Variants in NT5DC3 observed in about 807,000 individuals in gnomAD.
NT5DC3 encodes 5'-nucleotidase domain-containing protein 3.
Under a neutral mutation model 67.8 loss-of-function variants are expected in NT5DC3, and 42 were observed. That is an observed-to-expected ratio of 0.62 (90% CI 0.48 to 0.80). The LOEUF is 0.80. Among genes scored for constraint, NT5DC3 ranks in the 30% least tolerant of loss-of-function variants. The pLI, the probability that NT5DC3 is intolerant of heterozygous loss-of-function variation, is 0.00. For missense variants in NT5DC3, 570 were observed against 696.4 expected, an observed-to-expected ratio of 0.82 and a Z score of 2.04; for synonymous variants, 237 against 255.6, an observed-to-expected ratio of 0.93 and a Z score of 0.69.
At chr12:103,762,208 CA>C in the NT5DC3 span, 1 of 1,594,160 alleles carries the variant, frequency 6.3e-7, no homozygotes, top group Non-Finnish European at 8.5e-7. Flanking sequence ...CTCGGGCCAC[CA>C]AGGGTTCCCC....
chr12:103,781,838 C>A (rs1394438994), intron 12 of NT5DC3, among the ~76,000 whole-genome samples: 1 of 152,170 alleles, frequency 6.6e-6, no homozygotes, highest in Non-Finnish European at 1.5e-5. Flanking sequence ...GAGAACTGAT[C>A]CTACAGGCAC....
At chr12:103,754,901 A>G in the NT5DC3 span, among the ~76,000 whole-genome samples, 1 of 151,776 alleles carries the variant, frequency 6.6e-6, no homozygotes, top group Non-Finnish European at 1.5e-5. Flanking sequence ...AGCCAAGATC[A>G]TGCCACTGCC....
intron 1 of NT5DC3, among the ~76,000 whole-genome samples, chr12:103,821,487 C>T (rs1409856522): frequency 1.3e-5 from 2 of 152,196 alleles, no homozygotes; most frequent in Non-Finnish European, 2.9e-5. Flanking sequence ...ATGGGATCCC[C>T]TCCAGCCAAT....
At chr12:103,814,852 G>A (rs534643321) in intron 2 of NT5DC3, 85 bp downstream of exon 2, 11 of 925,974 alleles carry the variant, frequency 1.2e-5, no homozygotes, top group Non-Finnish European at 1.7e-5. Flanking sequence ...TGACTTCTCT[G>A]TGGCAGACTT....
Position 103,785,526 on chromosome 12 carries a change from CTA to C in NT5DC3, c.1189-53_1189-52del, listed in dbSNP as rs763108744. On this transcript the variant is annotated intron_variant, in intron 11 of 13. Coordinates refer to ENST00000392876, the MANE Select transcript of NT5DC3 (RefSeq NM_001031701.3). ...AACGTCAGTCTCAACAGAATCTAAA[CTA>C]TGTCATTATTTTCCCAGACATGAGA... The C allele has an allele frequency of 7.6e-6, 12 of 1,587,768 alleles. No homozygotes were observed. In the South Asian group the frequency reaches 7.8e-5, roughly 10 times the overall value.
chr12:103,817,172 A>C (rs1887298148), intron 1 of NT5DC3, among the ~76,000 whole-genome samples: 1 of 152,158 alleles, frequency 6.6e-6, no homozygotes, highest in Non-Finnish European at 1.5e-5. Context: ...TAAGGGTGAC[A>C]TCTCAGACGA....
intron 1 of NT5DC3, among the ~76,000 whole-genome samples, chr12:103,818,059 C>T (rs1377789250): frequency 6.6e-6 from 1 of 152,188 alleles, no homozygotes; most frequent in Non-Finnish European, 1.5e-5. Context: ...CCTCTCAAAA[C>T]CTAACAGAAG....
downstream of NT5DC3, among the ~76,000 whole-genome samples, chr12:103,767,140 C>T (rs142551577): frequency 4.0e-5 from 6 of 151,564 alleles, no homozygotes; most frequent in East Asian, 1.2e-3. Flanking sequence ...TGCATCTTCA[C>T]AGTAGCATTA....
At chr12:103,765,790 C>T (rs923841597), downstream of NT5DC3, among the ~76,000 whole-genome samples, 3 of 152,216 alleles carry the variant, frequency 2.0e-5, no homozygotes, top group Non-Finnish European at 4.4e-5. Flanking sequence ...GATCCGCCTG[C>T]CTCAGCCTCC....
intron 1 of NT5DC3, chr12:103,821,996 G>A (rs1182268822): frequency 1.3e-5 from 2 of 152,170 alleles, no homozygotes; most frequent in Non-Finnish European, 1.5e-5. Flanking sequence ...TGAAAAGAAT[G>A]TCAAGTAAGA....
chr12:103,788,278 A>C (rs868688730), intron 10 of NT5DC3, among the ~76,000 whole-genome samples: 7 of 152,286 alleles, frequency 4.6e-5, no homozygotes, highest in African/African-American at 1.7e-4. Context: ...CTGTCTCTAC[A>C]AAAAATAAAA....
At chr12:103,752,042 G>A in the NT5DC3 span, among the ~76,000 whole-genome samples, 3 of 152,140 alleles carry the variant, frequency 2.0e-5, no homozygotes, top group Non-Finnish European at 4.4e-5. Context: ...TTGGTAATGT[G>A]TGCAGCAGAC....
chr12:103,753,079 C>A, the NT5DC3 span: 1 of 922,012 alleles, frequency 1.1e-6, no homozygotes, highest in Non-Finnish European at 1.6e-6. Flanking sequence ...TGTACTTCAA[C>A]ATAACTTGAA....
intron 11 of NT5DC3, 31 bp from the exon 12 acceptor site, chr12:103,785,506 C>G: frequency 6.2e-7 from 1 of 1,610,224 alleles, no homozygotes; most frequent in Non-Finnish European, 8.5e-7. Flanking sequence ...AAGTCAACGT[C>G]AGTCTCAACA....
In NT5DC3 at chr12:103,798,696, G is replaced by A. The variant is rs914265626; in HGVS notation, c.525-19C>T. On this transcript the variant is annotated intron_variant, in intron 4 of 13. Transcript: ENST00000392876. ...GAGGCCTCTGGAAAAACCAGATGGT[G>A]CAGTTAAAGAGCTCAACTAGAGAAA... 6.4e-7 allele frequency: 1 copy of A among 1,557,152 alleles called. No homozygotes were observed. The highest frequency in any genetic ancestry group is 2.2e-5 in the East Asian group (1 of 44,630).
At chr12:103,770,086 T>G (rs1400042722), downstream of NT5DC3, among the ~76,000 whole-genome samples, 2 of 152,214 alleles carry the variant, frequency 1.3e-5, no homozygotes, top group African/African-American at 4.8e-5. Flanking sequence ...ACATGAAAAG[T>G]AATTCATAGA....
downstream of NT5DC3, among the ~76,000 whole-genome samples, chr12:103,769,461 A>T (rs1885134466): frequency 6.6e-6 from 1 of 152,188 alleles, no homozygotes. Flanking sequence ...CGTCCCCAAC[A>T]CACGTGCCCT....
chr12:103,778,108 AAC>A lies in NT5DC3; in HGVS notation c.1395-29_1395-28del, dbSNP rs780940983. 5 of 1,563,122 alleles carry A rather than the reference AAC, an allele frequency of 3.2e-6. No individual in the cohort carries two copies. The East Asian group carries it at 1.1e-4, about 35-fold the overall frequency. ...TGAAGAGGCAATAAAAAAGCAAAGC[AAC>A]AGAGAATGATTCAAAAATCCTTGTT... On this transcript the variant is annotated intron_variant, in intron 13 of 13. Transcript: ENST00000392876.
chr12:103,746,370 A>T, the NT5DC3 span: 2 of 405,972 alleles, frequency 4.9e-6, no homozygotes, highest in Non-Finnish European at 9.0e-6. Context: ...TTCTCATATA[A>T]ATCTCAATGA....
Sources: gnomAD v4.1 joint callset for allele counts (sites outside exome capture counted in the v4.1 genomes callset) on GRCh38, gnomAD v4.1.1 for gene constraint, MANE v1.5 for transcripts, NCBI Gene and HGNC (gene_info 2026-07-23, HGNC 2026-07-21) for gene names.